Variants in ZNF814 observed in about 807,000 individuals in gnomAD.
ZNF814 encodes the protein zinc finger protein 814.
In ZNF814, 5 loss-of-function variants were observed where a neutral mutation model predicts 7.5. The ratio of observed to expected loss-of-function variants is 0.67; its 90% CI spans 0.35 to 1.40. The LOEUF (loss-of-function observed/expected upper bound fraction) is 1.40, where lower values mean the gene tolerates loss of function less well. ZNF814 is among the 40% of genes most tolerant of loss of function. The probability of loss-of-function intolerance (pLI) is 0.04; values close to 1 mark genes in which losing one functional copy is unlikely to be tolerated. For missense variants in ZNF814, 962 were observed against 1,018.0 expected, an observed-to-expected ratio of 0.94 and a Z score of 0.75; for synonymous variants, 315 against 340.7, an observed-to-expected ratio of 0.92 and a Z score of 0.83.
chr19:57,871,303 G>A lies in ZNF814; in HGVS notation c.*1519C>T, dbSNP rs28637480. The A allele has an allele frequency of 2.4e-3, 372 of 152,210 alleles. No individual in the cohort carries two copies. Among genetic ancestry groups the A allele is most frequent in the African/African-American group, 8.3e-3 (343 of 41,538 alleles). The allele number at this position is 152,210 out of a possible 1,614,324, so 9.4% of individuals were successfully genotyped here. A position where few individuals can be genotyped will look rare whatever the true frequency, so the allele number is the denominator to read the frequency against. ...TATGAACCCACAAATTTTAGTATCC[G>A]TGCTACAGATAAAGACCACAAAGCC... On this transcript the variant is annotated 3_prime_UTR_variant, in exon 3 of 3. Transcript: ENST00000435989.
intron 1 of ZNF814, among the ~76,000 whole-genome samples, chr19:57,882,681 C>A (rs2122454100): frequency 7.2e-6 from 1 of 139,686 alleles, no homozygotes; most frequent in South Asian, 2.1e-4. Context: ...TCTGAGTCTG[C>A]AAGAGTCACA....
chr19:57,900,839 A>ATTTTTTTTGTTTTTTTT, the ZNF814 span, among the ~76,000 whole-genome samples: 1 of 45,782 alleles, frequency 2.2e-5, no homozygotes, highest in Non-Finnish European at 3.8e-5. Flanking sequence ...CCATGGCTGC[A>ATTTTTTTTGTTTTTTTT]TTTTTTTTTT....
chr19:57,874,715 G>T lies in ZNF814; in HGVS notation c.675C>A (p.Thr225=). The change falls in exon 3 of 3, where the codon ACC becomes ACA. Residue 225 remains threonine, a synonymous_variant. Coordinates refer to ENST00000435989, the MANE Select transcript of ZNF814 (RefSeq NM_001144989.2). ...TCTGGTGCTGACTGAGTATATGTTT[G>T]GTGCTAAAATGTTTCATGGATTCTC... ...SCGESMKHFS[T]KHILSQHQRL... is the part of the protein sequence containing the mutation. 1 of 1,593,044 alleles carries T rather than the reference G, an allele frequency of 6.3e-7. No individual in the cohort carries two copies. The highest frequency in any genetic ancestry group is 2.3e-5 in the East Asian group (1 of 44,266).
the ZNF814 span, chr19:57,901,836 T>C: frequency 2.8e-5 from 11 of 397,798 alleles, no homozygotes; most frequent in Middle Eastern, 6.2e-4. Flanking sequence ...TTATTGGACT[T>C]ATGTCCCATT....
chr19:57,873,190 G>A lies in ZNF814; in HGVS notation c.2200C>T (p.His734Tyr), dbSNP rs752507674. The A allele has an allele frequency of 8.7e-6, 14 of 1,613,178 alleles. No individual in the cohort carries two copies. The East Asian group carries it at 2.9e-4, about 33-fold the overall frequency. The stretch of plus-strand genomic sequence containing the variant: ...CTTTCTCCAGTGTGAACTCTCTGAT[G>A]TGCAATGAGTTGGTACTTGTTTCTA... ...FFRNKYQLIA[H>Y]QRVHTGERPY... The change falls in exon 3 of 3, where the codon CAT becomes TAT. Residue 734 changes from histidine to tyrosine, a missense_variant. By Grantham distance (83) the His-to-Tyr change is moderately conservative. Coordinates refer to ENST00000435989, the MANE Select transcript of ZNF814 (RefSeq NM_001144989.2).
chr19:57,896,216 G>T, the ZNF814 span, among the ~76,000 whole-genome samples: 5 of 151,470 alleles, frequency 3.3e-5, no homozygotes, highest in Non-Finnish European at 7.4e-5. This position sits in a 1 kb window ranked among gnomAD's most constrained non-coding sequence, Gnocchi z 4.2. Context: ...TTTTAAAAAG[G>T]CTTATAAAGA....
intron 1 of ZNF814, among the ~76,000 whole-genome samples, chr19:57,878,554 G>T (rs1039491544): frequency 2.0e-5 from 3 of 151,354 alleles, no homozygotes; most frequent in African/African-American, 4.9e-5. Flanking sequence ...CCGCCTCCTG[G>T]GTTCAAGCAA....
the ZNF814 span, chr19:57,901,787 G>A: frequency 6.3e-4 from 250 of 398,438 alleles, 6 homozygotes; most frequent in South Asian, 0.027. Context: ...TTACTGTGGC[G>A]GTAAGCCTCC....
the ZNF814 span, among the ~76,000 whole-genome samples, chr19:57,897,584 G>A: frequency 6.6e-6 from 1 of 152,118 alleles, no homozygotes; most frequent in Non-Finnish European, 1.5e-5. Context: ...ACAAACCAAG[G>A]CATATCCGCA....
chr19:57,893,746 C>G (rs1209983737), upstream of ZNF814, among the ~76,000 whole-genome samples: 3 of 151,702 alleles, frequency 2.0e-5, no homozygotes, highest in Non-Finnish European at 4.4e-5. Context: ...TGGTAAAACC[C>G]CGTCTCTACT....
At chr19:57,886,152 G>T (rs1288924407) in intron 1 of ZNF814, among the ~76,000 whole-genome samples, 1 of 152,028 alleles carries the variant, frequency 6.6e-6, no homozygotes, top group African/African-American at 2.4e-5. Context: ...ACCAGTGAGG[G>T]AATGGAACAC....
chr19:57,873,752 T>G lies in ZNF814; in HGVS notation c.1638A>C (p.Arg546Ser). The stretch of plus-strand genomic sequence containing the variant: ...TCCCACACTCTCCACACTCATAAAG[T>G]CTGTCCCCAGTGTGAATTTGCTGAT... ...RNHQQIHTGD[R>S]LYECGECGKS... Residue 546 changes from arginine (R) to serine (S), a missense_variant, in exon 3 of 3, where the codon AGA becomes AGC. Coordinates refer to ENST00000435989, the MANE Select transcript of ZNF814 (RefSeq NM_001144989.2). 1 of 1,613,694 alleles carries G rather than the reference T, an allele frequency of 6.2e-7. No individual in the cohort carries two copies. The highest frequency in any genetic ancestry group is 1.3e-5 in the African/African-American group (1 of 75,024).
chr19:57,871,592 A>C lies in ZNF814; in HGVS notation c.*1230T>G, dbSNP rs563004490. 6.6e-6 allele frequency: 1 copy of C among 152,320 alleles called. No individual in the cohort carries two copies. Among genetic ancestry groups the C allele is most frequent in the East Asian group, 1.9e-4 (1 of 5,180 alleles). 9.4% of individuals were successfully genotyped at this position (152,320 alleles called of 1,614,324 possible). On this transcript the variant is annotated 3_prime_UTR_variant, in exon 3 of 3. Transcript: ENST00000435989. ...AAATGGGAGGCAAGCTGTTCTTAGG[A>C]TCATGACTTGGAGGGTAGAAAATTT... is the stretch of plus-strand genomic sequence containing the variant.
chr19:57,897,969 A>T, the ZNF814 span, among the ~76,000 whole-genome samples: 8 of 152,184 alleles, frequency 5.3e-5, no homozygotes, highest in African/African-American at 1.9e-4. Context: ...GGTAGTACTA[A>T]CTCAGCAGGG....
rs2071580129 is a variant in ZNF814 at position 57,873,911 on chromosome 19, C to A, written c.1479G>T (p.Gln493His). The change falls in exon 3 of 3, where the codon CAG (glutamine) becomes CAT (histidine). Residue 493 changes from glutamine to histidine, a missense_variant. Transcript: ENST00000435989. ...TGAAAGATTTCCCACATTCTCCACACTGATAAGGTCTTTCTCCACTGTGAA... is the reference window on the plus strand; with the variant it reads ...TGAAAGATTTCCCACATTCTCCACAATGATAAGGTCTTTCTCCACTGTGAA... ...QRVHSGERPY[Q>H]CGECGKSFSQ... is the part of the protein sequence containing the mutation. The A allele has an allele frequency of 6.2e-7, 1 of 1,612,586 alleles. No homozygotes were observed. Among genetic ancestry groups the A allele is most frequent in the South Asian group, 1.1e-5 (1 of 91,008 alleles).
intron 1 of ZNF814, among the ~76,000 whole-genome samples, 183 bp from the exon 2 acceptor site, chr19:57,877,225 G>A (rs1452646791): frequency 6.6e-6 from 1 of 152,116 alleles, no homozygotes; most frequent in Non-Finnish European, 1.5e-5. Flanking sequence ...TATCTGTGTG[G>A]TGGTTGTGAC....
rs766426663 is a variant in ZNF814 at position 57,873,841 on chromosome 19, C to A, written c.1549G>T (p.Ala517Ser). Residue 517 changes from alanine to serine, a missense_variant, in exon 3 of 3, where the codon GCA (alanine) becomes TCA (serine). This residue lies in a region of ZNF814 where 665 missense variants were observed against 551.4 expected (regional missense o/e 1.21). Coordinates refer to ENST00000435989, the MANE Select transcript of ZNF814 (RefSeq NM_001144989.2). The part of the protein sequence containing the change: ...LVLHQRVHTG[A>S]RPYECGECGK... The stretch of plus-strand genomic sequence containing the variant: ...CATTCTCCACACTCATAAGGTCTTG[C>A]TCCAGTGTGAACTCGCTGGTGTAGA... 1.9e-6 allele frequency: 3 copies of A among 1,613,702 alleles called. No individual in the cohort carries two copies. Among genetic ancestry groups the A allele is most frequent in the Non-Finnish European group, 2.5e-6 (3 of 1,179,936 alleles).
chr19:57,884,981 G>A (rs138335874), intron 1 of ZNF814, among the ~76,000 whole-genome samples: 12 of 152,298 alleles, frequency 7.9e-5, no homozygotes, highest in Admixed American at 1.3e-4. Context: ...GTTCACAGCA[G>A]CTAAGACTTG....
intron 1 of ZNF814, among the ~76,000 whole-genome samples, 167 bp from the exon 2 acceptor site, chr19:57,877,209 A>C (rs1173861509): frequency 1.3e-5 from 2 of 152,120 alleles, no homozygotes; most frequent in East Asian, 3.9e-4. Context: ...TAGTTGAACA[A>C]ATAGGTATCT....
Sources: gnomAD v4.1 joint callset for allele counts (sites outside exome capture counted in the v4.1 genomes callset) on GRCh38, gnomAD v4.1.1 for gene constraint, gnomAD v4.1.1 regional missense constraint, Gnocchi (gnomAD v3.1) non-coding constraint, MANE v1.5 for transcripts, NCBI Gene and HGNC (gene_info 2026-07-23, HGNC 2026-07-21) for gene names.